RPS6KA2: variants seen among roughly 807,000 people sequenced by gnomAD.
The protein encoded by RPS6KA2 is ribosomal protein S6 kinase alpha-2.
RPS6KA2 carries 42 observed loss-of-function variants against 91.8 expected under a neutral mutation model. The observed-to-expected ratio is 0.46, with a 90% CI of 0.36 to 0.59. The LOEUF is 0.59. RPS6KA2 is among the 20% of genes least tolerant of loss of function. The probability of loss-of-function intolerance (pLI) is 0.00; values close to 1 mark genes in which losing one functional copy is unlikely to be tolerated. For missense variants in RPS6KA2, 798 were observed against 978.5 expected (o/e 0.82, Z 2.46); for synonymous variants, 414 against 393.6 (o/e 1.05, Z -0.61).
Position 166,418,154 on chromosome 6 carries a change from G to A in RPS6KA2, c.1938+71C>T. ...ACTACTTACATAAAACCTATCCCCT[G>A]GCTTCCTCAGAAATCATATGGCTAT... On this transcript the variant is annotated intron_variant, in intron 19 of 20. Coordinates refer to ENST00000265678, the MANE Select transcript of RPS6KA2 (RefSeq NM_021135.6). The surrounding 1 kb of genome is among the most constrained non-coding windows in gnomAD (Gnocchi z 4.9). 9.6e-7 allele frequency: 1 copy of A among 1,037,676 alleles called. No homozygotes were observed. The highest frequency in any genetic ancestry group is 1.5e-6 in the Non-Finnish European group (1 of 678,182). The allele number at this position is 1,037,676 out of a possible 1,614,324, so 64.3% of individuals were successfully genotyped here.
chr6:166,432,388 G>A lies in RPS6KA2; in HGVS notation c.1422+13C>T, dbSNP rs377000354. On this transcript the variant is annotated intron_variant, in intron 15 of 20. Coordinates refer to ENST00000265678, the MANE Select transcript of RPS6KA2 (RefSeq NM_021135.6). ...GAAGGAAGTGGAGATGCTGTTGCAC[G>A]GGGACCACTCACATCCTTGAGGGTG... 49 of 1,577,212 alleles carry A rather than the reference G, an allele frequency of 3.1e-5. No homozygotes were observed. Among genetic ancestry groups the A allele is most frequent in the East Asian group, 1.8e-4 (8 of 44,688 alleles).
intron 1 of RPS6KA2, among the ~76,000 whole-genome samples, chr6:166,552,490 A>G (rs1784051570): frequency 6.6e-6 from 1 of 152,216 alleles, no homozygotes; most frequent in Non-Finnish European, 1.5e-5. Context: ...TACTGGCACA[A>G]TATATAAGTG....
chr6:166,800,755 C>G (rs1246287252), intron 2 of RPS6KA2, among the ~76,000 whole-genome samples: 2 of 152,172 alleles, frequency 1.3e-5, no homozygotes, highest in Non-Finnish European at 2.9e-5. Flanking sequence ...CCTTCCTTTA[C>G]CTGAGATCAT....
At chr6:166,587,456 G>T (rs1785215064) in intron 1 of RPS6KA2, among the ~76,000 whole-genome samples, 1 of 152,146 alleles carries the variant, frequency 6.6e-6, no homozygotes. Flanking sequence ...GAATGAGGGG[G>T]TCCTACCTGG....
chr6:166,476,219 A>G (rs731528), intron 10 of RPS6KA2, among the ~76,000 whole-genome samples: 57,386 of 152,040 alleles, frequency 0.38, 12,455 homozygotes, highest in African/African-American at 0.6. Flanking sequence ...TGGCCAGCAA[A>G]GCCCCGGGGT....
chr6:166,777,784 C>T (rs1437955768), intron 2 of RPS6KA2, among the ~76,000 whole-genome samples: 1 of 151,866 alleles, frequency 6.6e-6, no homozygotes, highest in East Asian at 1.9e-4. Flanking sequence ...TATTCAAAAG[C>T]AGTTTTGGCA....
chr6:166,493,724 C>T lies in RPS6KA2; in HGVS notation c.748-2983G>A, dbSNP rs757068741. On this transcript the variant is annotated intron_variant, in intron 8 of 20. Transcript: ENST00000265678. The surrounding 1 kb of genome is among the most constrained non-coding windows in gnomAD (Gnocchi z 4.7). ...CGCAGTGCTTCTCAACTGGGGTCACCGTTGCCTGCCAGGGGACATTTCCGG... is the reference window on the plus strand; with the variant it reads ...CGCAGTGCTTCTCAACTGGGGTCACTGTTGCCTGCCAGGGGACATTTCCGG... Among the ~76,000 whole-genome samples the T allele has an allele frequency of 7.9e-5, 12 of 152,278 alleles. 1 individual carries two copies. The highest frequency in any genetic ancestry group is 2.6e-4 in the African/African-American group (11 of 41,540).
chr6:166,508,402 C>T lies in RPS6KA2; in HGVS notation c.380-120G>A, dbSNP rs1303871518. 4.9e-5 allele frequency: 33 copies of T among 667,246 alleles called. No individual in the cohort carries two copies. Among genetic ancestry groups the T allele is most frequent in the East Asian group, 1.1e-4 (4 of 36,696 alleles). 41.3% of individuals were successfully genotyped at this position (667,246 alleles called of 1,614,324 possible). On this transcript the variant is annotated intron_variant, in intron 4 of 20. Transcript: ENST00000265678. The surrounding 1 kb of genome is among the most constrained non-coding windows in gnomAD (Gnocchi z 4.3). ...CCGGGAGGCTGAGTCACTTGAGAAACGGCAGGACCCCGGCTGGTGACCAGC... is the reference window on the plus strand; with the variant it reads ...CCGGGAGGCTGAGTCACTTGAGAAATGGCAGGACCCCGGCTGGTGACCAGC...
intron 16 of RPS6KA2, among the ~76,000 whole-genome samples, chr6:166,424,900 C>T (rs6914906): frequency 0.015 from 2,259 of 152,314 alleles, 52 homozygotes; most frequent in African/African-American, 0.052. Context: ...CAAAGGGTAG[C>T]AGAGTCAGCC....
intron 2 of RPS6KA2, among the ~76,000 whole-genome samples, chr6:166,727,452 A>C (rs537739036): frequency 2.7e-4 from 41 of 151,948 alleles, no homozygotes; most frequent in African/African-American, 9.7e-4. Context: ...TCCTAAAACA[A>C]CACCAGGGCC....
intron 2 of RPS6KA2, among the ~76,000 whole-genome samples, chr6:166,816,923 C>A (rs1446441592): frequency 3.3e-5 from 5 of 152,278 alleles, no homozygotes; most frequent in African/African-American, 1.2e-4. Flanking sequence ...TGGGTTGAAA[C>A]ATGGAAAAAA....
Position 166,557,702 on chromosome 6 carries a change from G to A in RPS6KA2, c.100-18918C>T, listed in dbSNP as rs1004724700. 6.6e-6 allele frequency among the ~76,000 whole-genome samples: 1 copy of A among 152,186 alleles called. No individual in the cohort carries two copies. The highest frequency in any genetic ancestry group is 1.5e-5 in the Non-Finnish European group (1 of 68,030). On this transcript the variant is annotated intron_variant, in intron 1 of 20. Transcript: ENST00000265678. This position sits in a 1 kb window ranked among gnomAD's most constrained non-coding sequence, Gnocchi z 4.8. ...AATAATACAGATAAATTACAAGAAA[G>A]TTGTTATTCCCAGGCAAATATCCAG...
intron 2 of RPS6KA2, among the ~76,000 whole-genome samples, chr6:166,834,487 G>A (rs1343217513): frequency 6.6e-6 from 1 of 152,122 alleles, no homozygotes; most frequent in African/African-American, 2.4e-5. Context: ...GGAGGAGAGA[G>A]AGAATCAGAA....
chr6:166,819,198 T>G (rs1465382555), intron 2 of RPS6KA2, among the ~76,000 whole-genome samples: 2 of 152,214 alleles, frequency 1.3e-5, no homozygotes, highest in African/African-American at 4.8e-5. Flanking sequence ...GGGGTTTCTG[T>G]TCTCTTCCGA....
chr6:166,689,271 T>A (rs1468521881), intron 2 of RPS6KA2, among the ~76,000 whole-genome samples: 5 of 152,232 alleles, frequency 3.3e-5, no homozygotes, highest in African/African-American at 1.2e-4. Context: ...CGTGTCTGAA[T>A]TGACACCAAG....
In RPS6KA2 at chr6:166,434,792, A is replaced by G. The variant is rs145934052; in HGVS notation, c.1333-2302T>C. Among the ~76,000 whole-genome samples the G allele has an allele frequency of 6.6e-6, 1 of 152,212 alleles. No homozygotes were observed. Among genetic ancestry groups the G allele is most frequent in the Admixed American group, 6.5e-5 (1 of 15,268 alleles). On this transcript the variant is annotated intron_variant, in intron 14 of 20. Coordinates refer to ENST00000265678, the MANE Select transcript of RPS6KA2 (RefSeq NM_021135.6). The surrounding 1 kb of genome is among the most constrained non-coding windows in gnomAD (Gnocchi z 4.4). Reference sequence around the variant, plus strand: ...TCTCCACCGCCACGGACCATCTTCAAGATACAAGGAGTAAAAAAGGCCGAC... The same window carrying G: ...TCTCCACCGCCACGGACCATCTTCAGGATACAAGGAGTAAAAAAGGCCGAC...
At position 166,434,790 on chromosome 6, in the gene RPS6KA2, C is replaced by G. The variant is rs2294331; in HGVS notation, c.1333-2300G>C. 6.6e-6 allele frequency among the ~76,000 whole-genome samples: 1 copy of G among 152,298 alleles called. No homozygotes were observed. The highest frequency in any genetic ancestry group is 1.9e-4 in the East Asian group (1 of 5,184). ...TTTCTCCACCGCCACGGACCATCTT[C>G]AAGATACAAGGAGTAAAAAAGGCCG... On this transcript the variant is annotated intron_variant, in intron 14 of 20. Transcript: ENST00000265678. The surrounding 1 kb of genome is among the most constrained non-coding windows in gnomAD (Gnocchi z 4.4).
chr6:166,619,183 T>G (rs1482937811), intron 1 of RPS6KA2, among the ~76,000 whole-genome samples: 1 of 152,234 alleles, frequency 6.6e-6, no homozygotes, highest in Non-Finnish European at 1.5e-5. Flanking sequence ...ATGCGTTTTC[T>G]TTGTTAAGAT....
At chr6:166,482,452 C>A (rs1355131361) in intron 10 of RPS6KA2, among the ~76,000 whole-genome samples, 1 of 152,170 alleles carries the variant, frequency 6.6e-6, no homozygotes, top group Non-Finnish European at 1.5e-5. Context: ...AGGAATGTCC[C>A]AGGAAATTCT....
Sources: gnomAD v4.1 joint callset for allele counts (sites outside exome capture counted in the v4.1 genomes callset) on GRCh38, gnomAD v4.1.1 for gene constraint, Gnocchi (gnomAD v3.1) non-coding constraint, MANE v1.5 for transcripts, NCBI Gene and HGNC (gene_info 2026-07-23, HGNC 2026-07-21) for gene names.